The following ROBO1 variants were observed in gnomAD, a reference collection of about 807,000 sequenced individuals.
ROBO1 encodes the protein roundabout homolog 1.
A neutral mutation model predicts 195.9 loss-of-function variants in ROBO1; 149 were observed. The observed-to-expected ratio is 0.76, with a 90% CI of 0.67 to 0.87. The LOEUF (loss-of-function observed/expected upper bound fraction) is 0.87, where lower values mean the gene tolerates loss of function less well. Among genes scored for constraint, ROBO1 ranks in the 40% least tolerant of loss-of-function variants. The pLI is 0.00. For missense variants in ROBO1, 1,933 were observed against 2,068.3 expected, an observed-to-expected ratio of 0.93 and a Z score of 1.27; for synonymous variants, 816 against 733.2, an observed-to-expected ratio of 1.11 and a Z score of -1.82.
intron 8 of ROBO1, among the ~76,000 whole-genome samples, chr3:78,701,009 C>A (rs1485457169): frequency 6.6e-6 from 1 of 152,162 alleles, no homozygotes; most frequent in Non-Finnish European, 1.5e-5. Flanking sequence ...GGTGATCCAC[C>A]CGCCTCAGCC....
chr3:79,646,374 G>T (rs936763459), intron 1 of ROBO1, among the ~76,000 whole-genome samples: 2 of 151,990 alleles, frequency 1.3e-5, no homozygotes, highest in Non-Finnish European at 2.9e-5. Context: ...ACCTCAACTC[G>T]GTTAAAATGG....
intron 2 of ROBO1, among the ~76,000 whole-genome samples, chr3:79,482,246 T>C (rs187157238): frequency 6.6e-6 from 1 of 152,186 alleles, no homozygotes; most frequent in Non-Finnish European, 1.5e-5. Flanking sequence ...CATTCCCTGT[T>C]ACAAGAAACT....
rs139868913 is a variant in ROBO1 at position 79,676,241 on chromosome 3, C to G, written c.-50-86280G>C. Among the ~76,000 whole-genome samples the G allele has an allele frequency of 7.6e-3, 1,152 of 152,108 alleles. 15 individuals are homozygous for G. The highest frequency in any genetic ancestry group is 0.025 in the African/African-American group (1,033 of 41,510). On this transcript the variant is annotated intron_variant, in intron 1 of 30. Transcript: ENST00000464233. ...ATATTGCAACTGTAAAATAAGAATA[C>G]CCATATTTCTCACTTTATAGAGTTG... is the stretch of plus-strand genomic sequence containing the variant.
intron 3 of ROBO1, among the ~76,000 whole-genome samples, chr3:79,006,597 AAAAGTCCATCTG>A (rs1437630164): frequency 5.9e-5 from 9 of 152,090 alleles, no homozygotes; most frequent in African/African-American, 1.2e-4. Context: ...CTTCCTCTTG[AAAAGTCCATCTG>A]AAAGTCCATC....
At chr3:79,325,555 G>A (rs559443438) in intron 2 of ROBO1, among the ~76,000 whole-genome samples, 53 of 152,284 alleles carry the variant, frequency 3.5e-4, no homozygotes, top group African/African-American at 1.1e-3. Context: ...CGGAGGGACC[G>A]GCTGAAGCCA....
chr3:78,675,152 T>C (rs1363657282), intron 10 of ROBO1, among the ~76,000 whole-genome samples: 4 of 149,946 alleles, frequency 2.7e-5, no homozygotes, highest in African/African-American at 2.5e-5. Flanking sequence ...CTTTGTTTCA[T>C]CCACTCATTA....
intron 2 of ROBO1, among the ~76,000 whole-genome samples, chr3:79,214,826 A>ATAT (rs1262558726): frequency 1.4e-4 from 18 of 129,130 alleles, no homozygotes; most frequent in African/African-American, 5.0e-4. Context: ...ATATATATAT[A>ATAT]TTTTTTTTTT....
chr3:78,928,647 G>A (rs994243313), intron 4 of ROBO1, among the ~76,000 whole-genome samples: 8 of 152,004 alleles, frequency 5.3e-5, no homozygotes, highest in Non-Finnish European at 1.0e-4. Flanking sequence ...ACTCTTTACT[G>A]GTTTCTTCCC....
intron 4 of ROBO1, among the ~76,000 whole-genome samples, chr3:78,821,851 A>T (rs2031008440): frequency 6.6e-6 from 1 of 152,146 alleles, no homozygotes; most frequent in South Asian, 2.1e-4. Context: ...TTTGCTCCAG[A>T]AGCAGATCCT....
intron 2 of ROBO1, among the ~76,000 whole-genome samples, chr3:79,438,649 T>C (rs1056588455): frequency 2.0e-5 from 3 of 152,050 alleles, no homozygotes; most frequent in African/African-American, 7.2e-5. Flanking sequence ...TATTTTCTAT[T>C]TCATGGAGAG....
At chr3:78,631,094 T>A in intron 25 of ROBO1, 67 bp downstream of exon 25, 1 of 1,511,028 alleles carries the variant, frequency 6.6e-7, no homozygotes, top group South Asian at 1.3e-5. Context: ...CCTAGTATAA[T>A]AATTGCTGAA....
At chr3:79,411,595 G>T (rs1003485134) in intron 2 of ROBO1, among the ~76,000 whole-genome samples, 1 of 152,080 alleles carries the variant, frequency 6.6e-6, no homozygotes, top group South Asian at 2.1e-4. Flanking sequence ...CAACATATTT[G>T]AACTTCATGT....
intron 1 of ROBO1, among the ~76,000 whole-genome samples, chr3:79,741,190 G>A (rs1206666790): frequency 1.3e-5 from 2 of 152,176 alleles, no homozygotes; most frequent in Non-Finnish European, 2.9e-5. Context: ...ATCTTTTTCA[G>A]CAGAACAAAC....
intron 3 of ROBO1, among the ~76,000 whole-genome samples, chr3:78,972,681 A>G (rs925800982): frequency 3.9e-5 from 6 of 152,178 alleles, no homozygotes; most frequent in African/African-American, 1.2e-4. Context: ...AGCTACATAT[A>G]AACTTCCCAT....
chr3:79,103,520 A>G (rs2079717436), intron 3 of ROBO1, among the ~76,000 whole-genome samples: 1 of 151,816 alleles, frequency 6.6e-6, no homozygotes, highest in South Asian at 2.1e-4. Context: ...GCAGTTTACA[A>G]GAGCAAAACG....
chr3:79,691,223 T>C (rs1947288280), intron 1 of ROBO1, among the ~76,000 whole-genome samples: 1 of 151,766 alleles, frequency 6.6e-6, no homozygotes, highest in Non-Finnish European at 1.5e-5. Context: ...TGCCAGATAT[T>C]TACAGCTATA....
chr3:79,054,822 G>T (rs2078772543), intron 3 of ROBO1, among the ~76,000 whole-genome samples: 1 of 152,108 alleles, frequency 6.6e-6, no homozygotes, highest in Non-Finnish European at 1.5e-5. Flanking sequence ...AGTGGGGCCA[G>T]TCCCAGGCCC....
intron 1 of ROBO1, among the ~76,000 whole-genome samples, chr3:79,594,059 A>C (rs1944088275): frequency 6.6e-6 from 1 of 151,972 alleles, no homozygotes; most frequent in Non-Finnish European, 1.5e-5. Flanking sequence ...TTTCAATTTT[A>C]ATGAAGTTCA....
chr3:79,268,515 T>C (rs1490910567), intron 2 of ROBO1, among the ~76,000 whole-genome samples: 3 of 151,660 alleles, frequency 2.0e-5, no homozygotes, highest in African/African-American at 7.2e-5. Flanking sequence ...TTGAATTACA[T>C]TGTTTCATTT....
Sources: gnomAD v4.1 joint callset for allele counts (sites outside exome capture counted in the v4.1 genomes callset) on GRCh38, gnomAD v4.1.1 for gene constraint, MANE v1.5 for transcripts, NCBI Gene and HGNC (gene_info 2026-07-23, HGNC 2026-07-21) for gene names.